The following SLC25A6 variants were observed in gnomAD, a reference collection of about 807,000 sequenced individuals.
SLC25A6 encodes solute carrier family 25 member 6, also known as ADP/ATP translocase 3.
A neutral mutation model predicts 25.7 loss-of-function variants in SLC25A6; 9 were observed. The ratio of observed to expected loss-of-function variants is 0.35; its 90% CI spans 0.21 to 0.61. The LOEUF is 0.61. Among genes scored for constraint, SLC25A6 ranks in the 20% least tolerant of loss-of-function variants. The pLI is 0.76. For synonymous variants in SLC25A6, 223 were observed against 197.0 expected (o/e 1.13, Z -1.11); for missense variants, 404 against 440.5 (o/e 0.92, Z 0.74).
At chrX:1,391,857 C>G in intron 1 of SLC25A6, 42 bp downstream of exon 1, 1 of 1,489,196 alleles carries the variant, frequency 6.7e-7, no homozygotes, top group Non-Finnish European at 9.2e-7. Context: ...CCACTCGGTT[C>G]CCGTCCCCTA....
In SLC25A6 at chrX:1,389,717, G is replaced by T; in HGVS notation, c.122C>A (p.Ala41Asp). 1 of 1,612,290 alleles carries T rather than the reference G, an allele frequency of 6.2e-7. No homozygotes were observed. The highest frequency in any genetic ancestry group is 8.5e-7 in the Non-Finnish European group (1 of 1,179,354). ...CTTGTCGGCGGCGATCTGCTTGCTG[G>T]CGTGCTGGACCTGGGGGACGCAGAG... ...RVKLLLQVQHASKQIAADKQY... is the reference protein window; with the variant it reads ...RVKLLLQVQHDSKQIAADKQY... Residue 41 changes from alanine (A) to aspartate (D), a missense_variant, in exon 2 of 4, where the codon GCC becomes GAC. Coordinates refer to ENST00000381401, the MANE Select transcript of SLC25A6 (RefSeq NM_001636.4).
chrX:1,388,051 A>G (rs4589044), intron 2 of SLC25A6, among the ~76,000 whole-genome samples: 90,282 of 150,340 alleles, frequency 0.6, 27,359 homozygotes, highest in Middle Eastern at 0.69. Flanking sequence ...TCTGCTGTTT[A>G]TAAGCCACCC....
At chrX:1,389,829 G>A in intron 1 of SLC25A6, 102 bp from the exon 2 acceptor site, 1 of 1,537,360 alleles carries the variant, frequency 6.5e-7, no homozygotes, top group South Asian at 1.2e-5. Flanking sequence ...CACTCTTGTT[G>A]CCCAAGCTGG....
At position 1,386,380 on chromosome X, in the gene SLC25A6, G is replaced by A. The variant is rs777161207; in HGVS notation, c.*222C>T. 1.5e-5 allele frequency: 8 copies of A among 526,278 alleles called. No homozygotes were observed. The highest frequency in any genetic ancestry group is 1.0e-4 in the East Asian group (3 of 28,580). The allele number at this position is 526,278 out of a possible 1,614,324, so 32.6% of individuals were successfully genotyped here. The stretch of plus-strand genomic sequence containing the variant: ...CATGGGCCCCACGCAGGGACGCCAC[G>A]GTTCCCTCCCACCCCGTGATCAAGA... On this transcript the variant is annotated 3_prime_UTR_variant, in exon 4 of 4. Transcript: ENST00000381401.
At chrX:1,388,923 C>G (rs1284914363) in intron 2 of SLC25A6, among the ~76,000 whole-genome samples, 1 of 143,010 alleles carries the variant, frequency 7.0e-6, no homozygotes, top group African/African-American at 2.6e-5. Flanking sequence ...ACACCTGGAT[C>G]TCAGACCTCC....
rs369503687 is a variant in SLC25A6 at position 1,387,355 on chromosome X, C to T, written c.663G>A (p.Thr221=). The stretch of plus-strand genomic sequence containing the variant: ...GGTAGGACACCACGCCGGCCACGGC[C>T]GTCACGGTCTGCGCGATCATCCAGC... The part of the protein sequence containing the change: ...VVSWMIAQTV[T]AVAGVVSYPF... The change falls in exon 3 of 4, where the codon ACG becomes ACA. Residue 221 remains threonine (T), a synonymous_variant. Coordinates refer to ENST00000381401, the MANE Select transcript of SLC25A6 (RefSeq NM_001636.4). The T allele has an allele frequency of 8.1e-6, 13 of 1,613,228 alleles. No individual in the cohort carries two copies. The highest frequency in any genetic ancestry group is 6.7e-5 in the African/African-American group (5 of 74,920).
In SLC25A6 at chrX:1,389,410, C is replaced by T. The variant is rs143216483; in HGVS notation, c.429G>A (p.Ala143=). Residue 143 remains alanine, a synonymous_variant, in exon 2 of 4, where the codon GCG becomes GCA. Coordinates refer to ENST00000381401, the MANE Select transcript of SLC25A6 (RefSeq NM_001636.4). ...PLDFARTRLA[A]DVGKSGTERE... ...GCTCTGTGCCTGACTTTCCCACGTCCGCTGCCAGGCGGGTTCTGGCGAAAT... is the reference window on the plus strand; with the variant it reads ...GCTCTGTGCCTGACTTTCCCACGTCTGCTGCCAGGCGGGTTCTGGCGAAAT... The T allele has an allele frequency of 3.4e-3, 5,488 of 1,613,714 alleles. 14 individuals carry two copies. The highest frequency in any genetic ancestry group is 4.2e-3 in the Non-Finnish European group (4,963 of 1,179,846).
At position 1,388,533 on chromosome X, in the gene SLC25A6, T is replaced by G. The variant is rs770702646; in HGVS notation, c.598+708A>C. 3.3e-5 allele frequency among the ~76,000 whole-genome samples: 5 copies of G among 150,164 alleles called. No homozygotes were observed. In the South Asian group the frequency reaches 1.1e-3, roughly 32 times the overall value. Reference sequence around the variant, plus strand: ...TCTGTTGTTTCTAAGTCACCCAGTCTATGGTGTTCTGGGATGGCAGCCTGA... The same window carrying G: ...TCTGTTGTTTCTAAGTCACCCAGTCGATGGTGTTCTGGGATGGCAGCCTGA... On this transcript the variant is annotated intron_variant, in intron 2 of 3. Transcript: ENST00000381401.
In SLC25A6 at chrX:1,387,423, C is replaced by T. The variant is rs764862818; in HGVS notation, c.599-4G>A. 19 of 1,611,974 alleles carry T rather than the reference C, an allele frequency of 1.2e-5. No homozygotes were observed. Among genetic ancestry groups the T allele is most frequent in the Admixed American group, 8.3e-5 (5 of 59,956 alleles). On this transcript the variant is annotated splice_polypyrimidine_tract_variant and splice_region_variant and intron_variant, in intron 2 of 3. Transcript: ENST00000381401. ...TTCTTGGGGTCGGGGAGCATGCCTG[C>T]GCGGGAACGGCACGTCACCGTCTCC...
intron 2 of SLC25A6, 66 bp downstream of exon 2, chrX:1,389,175 G>A (rs2089367629): frequency 1.3e-6 from 2 of 1,553,418 alleles, no homozygotes; most frequent in African/African-American, 1.4e-5. Context: ...TCAGCCCACA[G>A]GACCCTGGGG....
At position 1,389,575 on chromosome X, in the gene SLC25A6, G is replaced by A; in HGVS notation, c.264C>T (p.Asn88=). The A allele has an allele frequency of 1.2e-6, 2 of 1,614,200 alleles. No individual in the cohort carries two copies. The highest frequency in any genetic ancestry group is 1.7e-6 in the Non-Finnish European group (2 of 1,180,038). Reference sequence around the variant, plus strand: ...GCTTGTACTTATCCTTGAAGGCGAAGTTGAGGGCTTGAGTGGGGAAGTAGC... The same window carrying A: ...GCTTGTACTTATCCTTGAAGGCGAAATTGAGGGCTTGAGTGGGGAAGTAGC... ...VIRYFPTQAL[N]FAFKDKYKQI... The change falls in exon 2 of 4, where the codon AAC becomes AAT. Residue 88 remains asparagine, a synonymous_variant. Coordinates refer to ENST00000381401, the MANE Select transcript of SLC25A6 (RefSeq NM_001636.4).
In SLC25A6 at chrX:1,389,260, G is replaced by A. The variant is rs755284878; in HGVS notation, c.579C>T (p.Gly193=). The change falls in exon 2 of 4, where the codon GGC becomes GGT. Residue 193 remains glycine, a synonymous_variant. Coordinates refer to ENST00000381401, the MANE Select transcript of SLC25A6 (RefSeq NM_001636.4). The part of the protein sequence containing the change: ...GIIIYRAAYF[G]VYDTAKGMLP... Reference sequence around the variant, plus strand: ...ACGTACCCTTGGCCGTATCGTACACGCCGAAGTAGGCCGCCCGGTAGATGA... The same window carrying A: ...ACGTACCCTTGGCCGTATCGTACACACCGAAGTAGGCCGCCCGGTAGATGA... The A allele has an allele frequency of 9.9e-6, 16 of 1,613,474 alleles. No homozygotes were observed. Among genetic ancestry groups the A allele is most frequent in the South Asian group, 4.4e-5 (4 of 91,070 alleles).
At chrX:1,390,567 G>C (rs1301948078) in intron 1 of SLC25A6, among the ~76,000 whole-genome samples, 1 of 146,230 alleles carries the variant, frequency 6.8e-6, no homozygotes. Flanking sequence ...GACAGGGAGA[G>C]ACTCCATCTC....
chrX:1,386,704 C>A lies in SLC25A6; in HGVS notation c.795G>T (p.Glu265Asp), dbSNP rs200697890. The A allele has an allele frequency of 6.2e-7, 1 of 1,612,724 alleles. No homozygotes were observed. The highest frequency in any genetic ancestry group is 1.7e-5 in the Admixed American group (1 of 59,900). The change falls in exon 4 of 4, where the codon GAG (glutamate) becomes GAT (aspartate). Residue 265 changes from glutamate (E) to aspartate (D), a missense_variant. Physicochemically the swap from Glu to Asp is conservative, Grantham distance 45 (BLOSUM62 2). Coordinates refer to ENST00000381401, the MANE Select transcript of SLC25A6 (RefSeq NM_001636.4). Reference sequence around the variant, plus strand: ...CACCCTTGAAGAAGGCCTTGCCCCCCTCATCTCTGAAGATCTTCCTCCAAC... The same window carrying A: ...CACCCTTGAAGAAGGCCTTGCCCCCATCATCTCTGAAGATCTTCCTCCAAC... Reference protein sequence around the residue: ...VDCWRKIFRDEGGKAFFKGAW... With the variant: ...VDCWRKIFRDDGGKAFFKGAW...
Position 1,387,332 on chromosome X carries a change from T to A in SLC25A6, c.686A>T (p.Tyr229Phe). 1 of 1,612,854 alleles carries A rather than the reference T, an allele frequency of 6.2e-7. No individual in the cohort carries two copies. Among genetic ancestry groups the A allele is most frequent in the Admixed American group, 1.7e-5 (1 of 59,962 alleles). The change falls in exon 3 of 4, where the codon TAC (tyrosine) becomes TTC (phenylalanine). Residue 229 changes from tyrosine to phenylalanine, a missense_variant. Transcript: ENST00000381401. ...TVTAVAGVVS[Y>F]PFDTVRRRMM... ...GCGCCGCCGCACCGTGTCGAAGGGG[T>A]AGGACACCACGCCGGCCACGGCCGT...
At chrX:1,386,827 C>T (rs1409931544) in intron 3 of SLC25A6, 68 bp from the exon 4 acceptor site, 26 of 1,526,528 alleles carry the variant, frequency 1.7e-5, no homozygotes, top group Admixed American at 4.0e-5. Context: ...CCACCTGCAC[C>T]CACAAAGACG....
chrX:1,389,714 C>T lies in SLC25A6; in HGVS notation c.125G>A (p.Ser42Asn), dbSNP rs1476151440. 1 of 1,612,304 alleles carries T rather than the reference C, an allele frequency of 6.2e-7. No homozygotes were observed. The highest frequency in any genetic ancestry group is 1.3e-5 in the African/African-American group (1 of 74,860). ...CTGCTTGTCGGCGGCGATCTGCTTG[C>T]TGGCGTGCTGGACCTGGGGGACGCA... is the stretch of plus-strand genomic sequence containing the variant. ...VKLLLQVQHA[S>N]KQIAADKQYK... is the part of the protein sequence containing the mutation. Residue 42 changes from serine (S) to asparagine (N), a missense_variant, in exon 2 of 4, where the codon AGC (serine) becomes AAC (asparagine). Coordinates refer to ENST00000381401, the MANE Select transcript of SLC25A6 (RefSeq NM_001636.4).
chrX:1,389,506 C>T lies in SLC25A6; in HGVS notation c.333G>A (p.Arg111=), dbSNP rs1278261354. The change falls in exon 2 of 4, where the codon AGG becomes AGA. Residue 111 remains arginine, a synonymous_variant. Coordinates refer to ENST00000381401, the MANE Select transcript of SLC25A6 (RefSeq NM_001636.4). ...GGVDKHTQFW[R]YFAGNLASGG... Reference sequence around the variant, plus strand: ...CGGAGGCCAGGTTGCCCGCAAAGTACCTCCAGAACTGCGTGTGCTTGTCCA... The same window carrying T: ...CGGAGGCCAGGTTGCCCGCAAAGTATCTCCAGAACTGCGTGTGCTTGTCCA... The T allele has an allele frequency of 1.9e-6, 3 of 1,614,174 alleles. No homozygotes were observed. Among genetic ancestry groups the T allele is most frequent in the Non-Finnish European group, 2.5e-6 (3 of 1,180,022 alleles).
chrX:1,388,690 C>G (rs1379159870), intron 2 of SLC25A6, among the ~76,000 whole-genome samples: 1 of 151,876 alleles, frequency 6.6e-6, no homozygotes, highest in Non-Finnish European at 1.5e-5. Flanking sequence ...GCCTTGGTCT[C>G]AGACCTTCAG....
Sources: allele counts gnomAD v4.1 joint callset (sites outside exome capture counted in the v4.1 genomes callset), GRCh38; gene constraint gnomAD v4.1.1; transcripts MANE v1.5; gene names NCBI Gene and HGNC (gene_info 2026-07-23, HGNC 2026-07-21).